The following LOC400499 variants were observed in gnomAD, a reference collection of about 807,000 sequenced individuals.
chr16:11,482,508 C>A, the LOC400499 span, among the ~76,000 whole-genome samples: 5 of 152,188 alleles, frequency 3.3e-5, no homozygotes, highest in African/African-American at 1.2e-4. Flanking sequence ...ATTAAGACTT[C>A]CTGCTATTTT....
At chr16:11,457,730 C>T in the LOC400499 span, among the ~76,000 whole-genome samples, 5 of 152,076 alleles carry the variant, frequency 3.3e-5, no homozygotes, top group South Asian at 1.0e-3. Context: ...TTCATAACAG[C>T]ATTTATTCAC....
chr16:11,373,459 G>A, the LOC400499 span, among the ~76,000 whole-genome samples: 12 of 152,034 alleles, frequency 7.9e-5, no homozygotes, highest in East Asian at 1.9e-3. Flanking sequence ...TCAGCCTCCT[G>A]AGTAGCTGGG....
At chr16:11,406,474 C>T in the LOC400499 span, among the ~76,000 whole-genome samples, 2 of 152,196 alleles carry the variant, frequency 1.3e-5, no homozygotes, top group African/African-American at 4.8e-5. Flanking sequence ...CTCTTGTCAC[C>T]CAGGCCGCAG....
At chr16:11,418,540 A>G in the LOC400499 span, among the ~76,000 whole-genome samples, 1 of 152,218 alleles carries the variant, frequency 6.6e-6, no homozygotes, top group Non-Finnish European at 1.5e-5. Flanking sequence ...TTGTCTAAAA[A>G]GGGGAGGCGT....
the LOC400499 span, chr16:11,459,923 C>T: frequency 9.2e-5 from 136 of 1,483,848 alleles, no homozygotes; most frequent in South Asian, 1.8e-3. Flanking sequence ...TCAGGGCGGG[C>T]CCCGAGTCAT....
the LOC400499 span, among the ~76,000 whole-genome samples, chr16:11,447,562 T>C: frequency 3.3e-5 from 5 of 152,164 alleles, no homozygotes; most frequent in African/African-American, 1.2e-4. Context: ...TCTAAGGCCA[T>C]ACAGCTGCTC....
At chr16:11,473,981 G>C in the LOC400499 span, among the ~76,000 whole-genome samples, 1 of 152,150 alleles carries the variant, frequency 6.6e-6, no homozygotes, top group East Asian at 1.9e-4. Context: ...AGCCTTCCAA[G>C]TAGCTAGGAC....
the LOC400499 span, among the ~76,000 whole-genome samples, chr16:11,407,537 G>A: frequency 2.3e-4 from 35 of 152,348 alleles, 1 homozygote; most frequent in East Asian, 5.8e-4. Flanking sequence ...GCCATCAAGC[G>A]TGGCCATGGC....
the LOC400499 span, among the ~76,000 whole-genome samples, chr16:11,426,745 A>C: frequency 9.2e-3 from 1,402 of 151,610 alleles, 28 homozygotes; most frequent in African/African-American, 0.032. Flanking sequence ...CCTGGGCAAC[A>C]AAGGGAGACC....
the LOC400499 span, among the ~76,000 whole-genome samples, chr16:11,391,154 G>A: frequency 3.3e-5 from 5 of 152,376 alleles, 1 homozygote; most frequent in African/African-American, 7.2e-5. Context: ...TCAACAGCCA[G>A]TCAGAGGGAT....
the LOC400499 span, among the ~76,000 whole-genome samples, chr16:11,458,875 A>G: frequency 6.6e-6 from 1 of 151,748 alleles, no homozygotes. Context: ...TCTCTACTAA[A>G]AATACAAAAA....
chr16:11,392,338 C>T, the LOC400499 span: 5 of 398,928 alleles, frequency 1.3e-5, no homozygotes, highest in Non-Finnish European at 2.2e-5. Flanking sequence ...CCAGCAGGCC[C>T]CCCTGGCAGC....
chr16:11,524,744 C>T, the LOC400499 span, among the ~76,000 whole-genome samples: 1 of 149,242 alleles, frequency 6.7e-6, no homozygotes, highest in East Asian at 2.0e-4. Flanking sequence ...CAGCACCCCT[C>T]CCTCCCTCCC....
At chr16:11,447,017 G>C in the LOC400499 span, 1 of 1,297,632 alleles carries the variant, frequency 7.7e-7, no homozygotes, top group Non-Finnish European at 1.0e-6. Context: ...AGCTTGCAGA[G>C]TTAAGACTCT....
the LOC400499 span, among the ~76,000 whole-genome samples, chr16:11,408,908 T>C: frequency 7.2e-5 from 11 of 152,136 alleles, no homozygotes; most frequent in Non-Finnish European, 1.5e-4. Context: ...GAAAATCTAG[T>C]ATGTGGGTAT....
the LOC400499 span, among the ~76,000 whole-genome samples, chr16:11,406,988 G>A: frequency 6.6e-6 from 1 of 152,238 alleles, no homozygotes; most frequent in African/African-American, 2.4e-5. Flanking sequence ...TCACGCCCCA[G>A]CTTCTGAAAT....
chr16:11,435,675 T>A, the LOC400499 span: 1 of 399,222 alleles, frequency 2.5e-6, no homozygotes, highest in Non-Finnish European at 4.4e-6. Flanking sequence ...GCTGGGGTGA[T>A]CTTTGCAGAC....
the LOC400499 span, chr16:11,450,530 G>A: frequency 4.3e-6 from 6 of 1,409,668 alleles, no homozygotes; most frequent in Non-Finnish European, 9.6e-7. Context: ...ACAGACCTCA[G>A]CTTTCATCCG....
At chr16:11,462,392 G>A in the LOC400499 span, 91 of 1,376,442 alleles carry the variant, frequency 6.6e-5, no homozygotes, top group South Asian at 1.4e-3. Context: ...CAGGGCAGGA[G>A]ACAACATCGC....
Sources: allele counts gnomAD v4.1 joint callset (sites outside exome capture counted in the v4.1 genomes callset), GRCh38; gene constraint gnomAD v4.1.1; transcripts MANE v1.5.